CHMP3: variants seen among roughly 807,000 people sequenced by gnomAD.
CHMP3 encodes the protein 25.1 protein.
A neutral mutation model predicts 27.4 loss-of-function variants in CHMP3; 8 were observed. That is an observed-to-expected ratio of 0.29 (90% CI 0.17 to 0.53). The LOEUF (loss-of-function observed/expected upper bound fraction) is 0.53, where lower values mean the gene tolerates loss of function less well. CHMP3 is among the 20% of genes least tolerant of loss of function. The pLI is 0.96. For synonymous variants in CHMP3, 86 were observed against 85.5 expected, an observed-to-expected ratio of 1.01 and a Z score of -0.03; for missense variants, 208 against 271.5, an observed-to-expected ratio of 0.77 and a Z score of 1.64.
At chr2:86,556,072 A>G (rs1677110378) in intron 1 of CHMP3, among the ~76,000 whole-genome samples, 5 of 152,248 alleles carry the variant, frequency 3.3e-5, no homozygotes, top group Admixed American at 2.0e-4. Context: ...CTTAAAATAC[A>G]GAAATACATA....
chr2:86,560,843 A>G (rs1677325181), intron 1 of CHMP3, among the ~76,000 whole-genome samples: 1 of 152,178 alleles, frequency 6.6e-6, no homozygotes, highest in African/African-American at 2.4e-5. Flanking sequence ...GGCATCTTAC[A>G]TGGCAGGAGC....
At chr2:86,510,255 G>A in intron 4 of CHMP3, 103 bp downstream of exon 4, 1 of 1,508,574 alleles carries the variant, frequency 6.6e-7, no homozygotes, top group East Asian at 2.4e-5. Flanking sequence ...TGTCTAGCAG[G>A]TGTAGTCTGT....
intron 3 of CHMP3, chr2:86,510,740 G>A (rs1286349066): frequency 6.0e-6 from 2 of 332,350 alleles, no homozygotes; most frequent in Admixed American, 9.4e-5. Flanking sequence ...AGCCACTCTT[G>A]ACTTTTAGGA....
intron 2 of CHMP3, among the ~76,000 whole-genome samples, chr2:86,531,675 T>C (rs1441368663): frequency 1.3e-5 from 2 of 152,244 alleles, no homozygotes; most frequent in African/African-American, 4.8e-5. Context: ...ACTGAATTCT[T>C]TTGCATATGG....
intron 1 of CHMP3, among the ~76,000 whole-genome samples, chr2:86,559,731 G>A (rs535078896): frequency 6.6e-6 from 1 of 152,156 alleles, no homozygotes; most frequent in South Asian, 2.1e-4. Context: ...CCTTGGGCAG[G>A]GTATCTCCAG....
intron 3 of CHMP3, among the ~76,000 whole-genome samples, chr2:86,517,997 G>A (rs1339251026): frequency 6.6e-6 from 1 of 152,170 alleles, no homozygotes; most frequent in Non-Finnish European, 1.5e-5. Context: ...TCCTGACTGG[G>A]CAACAGACCC....
At chr2:86,541,141 C>T (rs1027961179) in intron 2 of CHMP3, 6 of 152,006 alleles carry the variant, frequency 3.9e-5, no homozygotes, top group Non-Finnish European at 7.4e-5. Context: ...TAAGGTGTGA[C>T]TCTTCTGAGG....
At chr2:86,529,727 C>T (rs1675839895) in intron 2 of CHMP3, among the ~76,000 whole-genome samples, 1 of 152,116 alleles carries the variant, frequency 6.6e-6, no homozygotes, top group South Asian at 2.1e-4. Flanking sequence ...TATAAGAGTA[C>T]AGTTTCTATA....
At chr2:86,515,434 T>G (rs994284773) in intron 3 of CHMP3, 2 of 152,364 alleles carry the variant, frequency 1.3e-5, no homozygotes, top group Admixed American at 1.3e-4. Context: ...GCGATTCTCC[T>G]GCCTCAGCCT....
At chr2:86,557,650 C>A (rs1677176780) in intron 1 of CHMP3, among the ~76,000 whole-genome samples, 1 of 152,160 alleles carries the variant, frequency 6.6e-6, no homozygotes, top group African/African-American at 2.4e-5. Flanking sequence ...CACTTCTAAA[C>A]CCTGCATATT....
chr2:86,548,145 T>C (rs927674580), intron 1 of CHMP3, among the ~76,000 whole-genome samples: 1 of 151,306 alleles, frequency 6.6e-6, no homozygotes, highest in African/African-American at 2.4e-5. Context: ...TATAGGAGAA[T>C]ACATTTATGA....
intron 1 of CHMP3, among the ~76,000 whole-genome samples, chr2:86,551,885 T>C (rs1234998005): frequency 6.6e-6 from 1 of 152,208 alleles, no homozygotes; most frequent in Non-Finnish European, 1.5e-5. Flanking sequence ...TTCTGTTCCA[T>C]AAAAAGGCTT....
At chr2:86,561,635 C>G (rs1024138208) in intron 1 of CHMP3, 6 of 152,152 alleles carry the variant, frequency 3.9e-5, no homozygotes, top group Non-Finnish European at 8.8e-5. Context: ...ATGATCTTAC[C>G]TGTTCGGCTC....
chr2:86,538,262 T>TG (rs1392081593), intron 2 of CHMP3, among the ~76,000 whole-genome samples: 2 of 152,236 alleles, frequency 1.3e-5, no homozygotes, highest in East Asian at 1.9e-4. Flanking sequence ...TACCAGGGGC[T>TG]GGGGGTAGAG....
chr2:86,540,094 T>C (rs12615285), intron 2 of CHMP3, among the ~76,000 whole-genome samples: 59,313 of 151,856 alleles, frequency 0.39, 13,560 homozygotes, highest in East Asian at 0.75. Context: ...TGGACCTAAA[T>C]TTGTCTTTTT....
intron 3 of CHMP3, 163 bp from the exon 4 acceptor site, chr2:86,510,642 C>T: frequency 9.9e-7 from 1 of 1,009,040 alleles, no homozygotes; most frequent in South Asian, 1.7e-5. Flanking sequence ...AAGAGATTGA[C>T]TTTCCTAAAT....
At position 86,507,474 on chromosome 2, in the gene CHMP3, C is replaced by T. The variant is rs759034414; in HGVS notation, c.523+5G>A. On this transcript the variant is annotated splice_donor_5th_base_variant and intron_variant, in intron 5 of 5. Transcript: ENST00000263856. The stretch of plus-strand genomic sequence containing the variant: ...GAGGAGAAAGGATGGATCTCACGGT[C>T]ATACCTGCTGTAATTTCAAAGAGAA... 1 of 1,612,792 alleles carries T rather than the reference C, an allele frequency of 6.2e-7. No homozygotes were observed. Among genetic ancestry groups the T allele is most frequent in the Admixed American group, 1.7e-5 (1 of 60,014 alleles).
At chr2:86,517,224 G>A (rs1374969971) in intron 3 of CHMP3, among the ~76,000 whole-genome samples, 1 of 152,138 alleles carries the variant, frequency 6.6e-6, no homozygotes, top group East Asian at 1.9e-4. Context: ...CTATAAATAT[G>A]ACCATGTTGT....
In CHMP3 at chr2:86,518,116, A is replaced by T. The variant is rs538733125; in HGVS notation, c.287-7637T>A. 3.3e-5 allele frequency among the ~76,000 whole-genome samples: 5 copies of T among 152,358 alleles called. No individual in the cohort carries two copies. In the South Asian group the frequency reaches 1.0e-3, roughly 32 times the overall value. Reference sequence around the variant, plus strand: ...TACAAACACAATGAATCAGATTATAAGAAAATATGAAATCTTATGACATTT... The same window carrying T: ...TACAAACACAATGAATCAGATTATATGAAAATATGAAATCTTATGACATTT... On this transcript the variant is annotated intron_variant, in intron 3 of 5. Coordinates refer to ENST00000263856, the MANE Select transcript of CHMP3 (RefSeq NM_016079.4).
Sources: allele counts gnomAD v4.1 joint callset (sites outside exome capture counted in the v4.1 genomes callset), GRCh38; gene constraint gnomAD v4.1.1; transcripts MANE v1.5; gene names NCBI Gene and HGNC (gene_info 2026-07-23, HGNC 2026-07-21).